SLC30A8: variants seen among roughly 807,000 people sequenced by gnomAD.
SLC30A8 encodes solute carrier family 30 member 8.
A neutral mutation model predicts 36.9 loss-of-function variants in SLC30A8; 27 were observed. That is an observed-to-expected ratio of 0.73 (90% CI 0.54 to 1.01). SLC30A8 has a LOEUF of 1.01. Among genes scored for constraint, SLC30A8 ranks in the 50% least tolerant of loss-of-function variants. The probability of loss-of-function intolerance (pLI) is 0.00; values close to 1 mark genes in which losing one functional copy is unlikely to be tolerated. For missense variants in SLC30A8, 439 were observed against 452.0 expected, an observed-to-expected ratio of 0.97 and a Z score of 0.26; for synonymous variants, 164 against 172.4, an observed-to-expected ratio of 0.95 and a Z score of 0.38.
In SLC30A8 at chr8:117,172,662, G is replaced by C; in HGVS notation, c.1091G>C (p.Cys364Ser). 6.2e-7 allele frequency: 1 copy of C among 1,613,648 alleles called. No individual in the cohort carries two copies. Among genetic ancestry groups the C allele is most frequent in the Non-Finnish European group, 8.5e-7 (1 of 1,179,656 alleles). ...PVDQDPDCLF[C>S]EDPCD ...GACCAGGACCCCGACTGCCTTTTCT[G>C]TGAAGACCCCTGTGACTAGCTCAGT... is the stretch of plus-strand genomic sequence containing the variant. The change falls in exon 8 of 8, where the codon TGT becomes TCT. Residue 364 changes from cysteine (C) to serine (S), a missense_variant. Coordinates refer to ENST00000456015, the MANE Select transcript of SLC30A8 (RefSeq NM_173851.3).
chr8:116,999,244 G>A (rs564904489), intron 1 of SLC30A8, among the ~76,000 whole-genome samples: 17 of 152,276 alleles, frequency 1.1e-4, no homozygotes, highest in African/African-American at 4.1e-4. Context: ...GGGTGACAGA[G>A]GGAGACTCCG....
chr8:116,978,459 A>ATAAAAATGTCATAAAAAC (rs5741672), intron 1 of SLC30A8, among the ~76,000 whole-genome samples: 13,102 of 151,958 alleles, frequency 0.086, 1,874 homozygotes, highest in African/African-American at 0.3. Context: ...TTGATGCTTT[A>ATAAAAATGTCATAAAAAC]TATAGTCTTT....
intron 1 of SLC30A8, among the ~76,000 whole-genome samples, chr8:116,954,558 T>C (rs763624217): frequency 1.3e-5 from 2 of 152,122 alleles, no homozygotes; most frequent in African/African-American, 2.4e-5. Flanking sequence ...CTTTTAAATT[T>C]AGTGACATAA....
At chr8:116,964,885 C>A (rs981343555) in intron 1 of SLC30A8, among the ~76,000 whole-genome samples, 4 of 152,140 alleles carry the variant, frequency 2.6e-5, no homozygotes, top group African/African-American at 9.7e-5. Flanking sequence ...TAATGAATTT[C>A]AAATTTGTTA....
chr8:117,136,874 A>G (rs971306481), intron 1 of SLC30A8, among the ~76,000 whole-genome samples: 2 of 152,036 alleles, frequency 1.3e-5, no homozygotes, highest in African/African-American at 4.8e-5. Flanking sequence ...TTTTCAGGAC[A>G]CAGTGTTTAT....
At chr8:117,168,128 G>C (rs1429446406) in intron 6 of SLC30A8, among the ~76,000 whole-genome samples, 1 of 152,056 alleles carries the variant, frequency 6.6e-6, no homozygotes, top group Non-Finnish European at 1.5e-5. Context: ...CCCTTGACAC[G>C]TGGGGATCAT....
At chr8:117,098,016 TTTAAATAAATATA>T (rs1202076759) in intron 2 of SLC30A8, among the ~76,000 whole-genome samples, 75 of 129,830 alleles carry the variant, frequency 5.8e-4, no homozygotes, top group African/African-American at 2.1e-3. Flanking sequence ...ATATATTTAT[TTTAAATAAATATA>T]TTAAATAAAT....
chr8:116,950,561 G>A (rs1450287468), upstream of SLC30A8: 2 of 152,198 alleles, frequency 1.3e-5, no homozygotes. Flanking sequence ...TGAACTGGCA[G>A]CAAAATAGTA....
At chr8:117,077,972 T>C (rs7008929) in intron 2 of SLC30A8, among the ~76,000 whole-genome samples, 9,120 of 152,214 alleles carry the variant, frequency 0.06, 316 homozygotes, top group East Asian at 0.12. Flanking sequence ...GTAGGAGAAG[T>C]TGGATATTAA....
intron 2 of SLC30A8, among the ~76,000 whole-genome samples, chr8:117,099,875 T>C (rs1269880395): frequency 1.3e-5 from 2 of 152,218 alleles, no homozygotes; most frequent in Non-Finnish European, 2.9e-5. Context: ...CTGTATTTCA[T>C]TTAATCTTGA....
chr8:117,111,346 A>AT (rs1820218514), intron 2 of SLC30A8, among the ~76,000 whole-genome samples: 1 of 152,178 alleles, frequency 6.6e-6, no homozygotes, highest in Admixed American at 6.5e-5. Context: ...AGTTATCAGA[A>AT]TTCAAACAAA....
rs1821304223 is a variant in SLC30A8, at chr8:117,135,220, T to C, written c.-108T>C. 1 of 662,242 alleles carries C rather than the reference T, an allele frequency of 1.5e-6. No homozygotes were observed. Among genetic ancestry groups the C allele is most frequent in the Non-Finnish European group, 2.4e-6 (1 of 412,956 alleles). 41.0% of individuals were successfully genotyped at this position (662,242 alleles called of 1,614,324 possible). A position where few individuals can be genotyped will look rare whatever the true frequency, so the allele number is the denominator to read the frequency against. Reference sequence around the variant, plus strand: ...TATTTTAATTTCTGGAGCCTTTTAATTTTTTCTTTAGAAAGTGTATAAATA... The same window carrying C: ...TATTTTAATTTCTGGAGCCTTTTAACTTTTTCTTTAGAAAGTGTATAAATA... On this transcript the variant is annotated 5_prime_UTR_variant, in exon 1 of 8. Transcript: ENST00000456015.
At chr8:117,155,532 G>T (rs1822435965) in intron 3 of SLC30A8, among the ~76,000 whole-genome samples, 2 of 152,140 alleles carry the variant, frequency 1.3e-5, no homozygotes, top group Admixed American at 1.3e-4. Flanking sequence ...TCCTAGGGCT[G>T]CCTTAATAAT....
chr8:117,107,572 G>C (rs1296900916), intron 2 of SLC30A8, among the ~76,000 whole-genome samples: 3 of 152,110 alleles, frequency 2.0e-5, no homozygotes, highest in African/African-American at 7.2e-5. Context: ...ACTATCTCTT[G>C]GTGCAGAGCT....
intron 6 of SLC30A8, among the ~76,000 whole-genome samples, chr8:117,163,794 C>T (rs995486308): frequency 6.6e-6 from 1 of 151,988 alleles, no homozygotes; most frequent in Admixed American, 6.6e-5. Context: ...TGCGGAGATA[C>T]TACAAAAATA....
intron 1 of SLC30A8, among the ~76,000 whole-genome samples, chr8:116,973,757 C>T (rs1449489671): frequency 6.6e-6 from 1 of 152,160 alleles, no homozygotes; most frequent in African/African-American, 2.4e-5. Context: ...AAGAACAAAG[C>T]TGGATGCATC....
At chr8:117,168,020 C>T (rs1823150901) in intron 6 of SLC30A8, among the ~76,000 whole-genome samples, 1 of 152,088 alleles carries the variant, frequency 6.6e-6, no homozygotes, top group South Asian at 2.1e-4. Flanking sequence ...GGAGAACTCC[C>T]ATTTGTAAAA....
At chr8:117,081,679 C>T (rs545984573) in intron 2 of SLC30A8, among the ~76,000 whole-genome samples, 1 of 152,276 alleles carries the variant, frequency 6.6e-6, no homozygotes, top group East Asian at 1.9e-4. Context: ...ATTTGGCCCC[C>T]ATTAATTACT....
intron 2 of SLC30A8, among the ~76,000 whole-genome samples, chr8:117,059,406 A>C (rs16889367): frequency 0.1 from 15,285 of 152,246 alleles, 1,314 homozygotes; most frequent in African/African-American, 0.23. Flanking sequence ...CAAATGTAAA[A>C]TCCTAGCTTA....
Sources: allele counts gnomAD v4.1 joint callset (sites outside exome capture counted in the v4.1 genomes callset), GRCh38; gene constraint gnomAD v4.1.1; transcripts MANE v1.5; gene names NCBI Gene and HGNC (gene_info 2026-07-23, HGNC 2026-07-21).